ZXDC: variants seen among roughly 807,000 people sequenced by gnomAD.
The protein encoded by ZXDC is zinc finger protein ZXDC.
Under a neutral mutation model 63.6 loss-of-function variants are expected in ZXDC, and 58 were observed. The observed-to-expected ratio is 0.91, with a 90% CI of 0.74 to 1.13. The LOEUF is 1.13. Among genes scored for constraint, ZXDC ranks in the 50% most tolerant of loss-of-function variants. The pLI, the probability that ZXDC is intolerant of heterozygous loss-of-function variation, is 0.00. For synonymous variants in ZXDC, 561 were observed against 496.1 expected (o/e 1.13, Z -1.74); for missense variants, 1,133 against 1,148.9 (o/e 0.99, Z 0.20).
chr3:126,439,437 G>GC (rs1179917103), intron 9 of ZXDC, among the ~76,000 whole-genome samples, 195 bp downstream of exon 9: 2 of 152,212 alleles, frequency 1.3e-5, no homozygotes, highest in African/African-American at 2.4e-5. Flanking sequence ...AGCAGGAGCT[G>GC]CAGCGTCCTG....
At chr3:126,446,132 A>C (rs769533750) in intron 7 of ZXDC, among the ~76,000 whole-genome samples, 1 of 152,190 alleles carries the variant, frequency 6.6e-6, no homozygotes, top group Non-Finnish European at 1.5e-5. Context: ...CAAGGTAACA[A>C]CACCGAACTA....
rs1290048037 is a variant in ZXDC at position 126,475,626 on chromosome 3, T to C, written c.240A>G (p.Glu80=). 4 of 1,475,930 alleles carry C rather than the reference T, an allele frequency of 2.7e-6. No homozygotes were observed. In the Admixed American group the frequency reaches 6.2e-5, roughly 23 times the overall value. The allele number at this position is 1,475,930 out of a possible 1,614,324, so 91.4% of individuals were successfully genotyped here. A position where few individuals can be genotyped will look rare whatever the true frequency, so the allele number is the denominator to read the frequency against. The part of the protein sequence containing the change: ...SDGDSFLVLL[E]VPHGGAAAEA... ...CGGCGGCAGCGCCGCCGTGCGGCAC[T>C]TCCAGCAGCACCAAGAAAGAGTCGC... The change falls in exon 1 of 10, where the codon GAA becomes GAG. Residue 80 remains glutamate, a synonymous_variant. Coordinates refer to ENST00000389709, the MANE Select transcript of ZXDC (RefSeq NM_025112.5).
intron 7 of ZXDC, among the ~76,000 whole-genome samples, chr3:126,457,881 G>A (rs915118537): frequency 6.6e-6 from 1 of 152,042 alleles, no homozygotes; most frequent in Non-Finnish European, 1.5e-5. Context: ...ACCACTAAAC[G>A]TAACTACTAA....
chr3:126,445,740 G>C (rs548140078), intron 7 of ZXDC, among the ~76,000 whole-genome samples: 14 of 152,230 alleles, frequency 9.2e-5, no homozygotes, highest in African/African-American at 3.4e-4. Flanking sequence ...AGCTGTGAGA[G>C]AACAGGGCAG....
chr3:126,439,547 C>A, intron 9 of ZXDC, 85 bp downstream of exon 9: 3 of 1,548,982 alleles, frequency 1.9e-6, no homozygotes, highest in Middle Eastern at 1.7e-4. Flanking sequence ...CAGTGACCAG[C>A]CTGCAGCTGT....
intron 5 of ZXDC, among the ~76,000 whole-genome samples, chr3:126,464,312 G>C (rs1354687140): frequency 6.6e-6 from 1 of 152,180 alleles, no homozygotes; most frequent in Admixed American, 6.5e-5. Flanking sequence ...AGCCCTTCTT[G>C]CAGGTGTGAC....
chr3:126,452,744 C>CT (rs34131353), intron 7 of ZXDC, among the ~76,000 whole-genome samples: 61,502 of 143,200 alleles, frequency 0.43, 13,426 homozygotes, highest in East Asian at 0.54. Flanking sequence ...TGCAGTTTTT[C>CT]TTTTTTTTTT....
chr3:126,457,783 G>C, intron 7 of ZXDC: 1 of 488,728 alleles, frequency 2.0e-6, no homozygotes, highest in Non-Finnish European at 2.7e-6. Context: ...TCCAGTATCT[G>C]GTCACAATGG....
intron 3 of ZXDC, among the ~76,000 whole-genome samples, chr3:126,471,498 T>C (rs1028400687): frequency 2.0e-5 from 3 of 152,144 alleles, no homozygotes; most frequent in Admixed American, 6.5e-5. Flanking sequence ...AGCCCAGCTG[T>C]GCAAGTACAG....
Position 126,465,095 on chromosome 3 carries a change from T to G in ZXDC, c.1441+1060A>C, listed in dbSNP as rs561322250. ...CTGCGCCCCAAAGCCGGTGCTCTGCTGTGGTGCTGCTGGTCACACAGGAGA... is the reference window on the plus strand; with the variant it reads ...CTGCGCCCCAAAGCCGGTGCTCTGCGGTGGTGCTGCTGGTCACACAGGAGA... On this transcript the variant is annotated intron_variant, in intron 5 of 9. Transcript: ENST00000389709. Among the ~76,000 whole-genome samples the G allele has an allele frequency of 2.6e-4, 40 of 152,340 alleles. No homozygotes were observed. The South Asian group carries it at 8.1e-3, about 31-fold the overall frequency.
chr3:126,475,336 C>A lies in ZXDC; in HGVS notation c.530G>T (p.Cys177Phe), dbSNP rs956394787. The change falls in exon 1 of 10, where the codon TGC becomes TTC. Residue 177 changes from cysteine (C) to phenylalanine (F), a missense_variant. Physicochemically the swap from Cys to Phe is radical, Grantham distance 205. Coordinates refer to ENST00000389709, the MANE Select transcript of ZXDC (RefSeq NM_025112.5). ...GGCCAGCGCGCACTGCGGCTCGGGG[C>A]AGCGGTAGCCGGGCGTGCTGGGGCC... ...ASGPSTPGYR[C>F]PEPQCALAFA... 5.8e-5 allele frequency: 89 copies of A among 1,530,986 alleles called. 8 individuals carry two copies. The allele number at this position is 1,530,986 out of a possible 1,614,324, so 94.8% of individuals were successfully genotyped here.
At chr3:126,446,488 A>C (rs1210030328) in intron 7 of ZXDC, among the ~76,000 whole-genome samples, 1 of 152,220 alleles carries the variant, frequency 6.6e-6, no homozygotes, top group Non-Finnish European at 1.5e-5. Flanking sequence ...CACCAGTAGC[A>C]CCGCAGTGCC....
rs920176330 is a variant in ZXDC, at chr3:126,439,839, C to T, written c.2395-112G>A. ...GCAATGCGTGGCAGAACCAGCCCAC[C>T]CCCTGTATTCCAAGGGAGGCCCGAG... On this transcript the variant is annotated intron_variant, in intron 8 of 9. Transcript: ENST00000389709. 2.5e-5 allele frequency: 37 copies of T among 1,455,420 alleles called. No homozygotes were observed. The African/African-American group carries it at 4.7e-4, about 18-fold the overall frequency. The allele number at this position is 1,455,420 out of a possible 1,614,324, so 90.2% of individuals were successfully genotyped here.
chr3:126,459,547 A>G (rs1043803), intron 7 of ZXDC, 106 bp downstream of exon 7: 2 of 1,561,954 alleles, frequency 1.3e-6, no homozygotes, highest in East Asian at 2.3e-5. Flanking sequence ...TGAACAGAAA[A>G]GTAAAACCAA....
At position 126,475,213 on chromosome 3, in the gene ZXDC, G is replaced by A. The variant is rs1433845535; in HGVS notation, c.653C>T (p.Ala218Val). 7 of 1,578,926 alleles carry A rather than the reference G, an allele frequency of 4.4e-6. No individual in the cohort carries two copies. The highest frequency in any genetic ancestry group is 2.3e-5 in the East Asian group (1 of 42,746). ...FKCPLEGCGW[A>V]FTTSYKLKRH... Reference sequence around the variant, plus strand: ...CTTGAGCTTGTAGGACGTTGTGAAGGCCCAACCACAGCCCTCCAGTGGGCA... The same window carrying A: ...CTTGAGCTTGTAGGACGTTGTGAAGACCCAACCACAGCCCTCCAGTGGGCA... Residue 218 changes from alanine (A) to valine (V), a missense_variant, in exon 1 of 10, where the codon GCC becomes GTC. Ala to Val is a moderately conservative substitution (Grantham distance 64, BLOSUM62 0). Coordinates refer to ENST00000389709, the MANE Select transcript of ZXDC (RefSeq NM_025112.5).
chr3:126,460,326 A>G (rs1934475454), intron 6 of ZXDC: 8 of 513,738 alleles, frequency 1.6e-5, no homozygotes, highest in Non-Finnish European at 2.0e-5. Flanking sequence ...ACAGTTTAAC[A>G]CTTATCGCTA....
Position 126,472,142 on chromosome 3 carries a change from T to C in ZXDC, c.1060+11A>G. On this transcript the variant is annotated intron_variant, in intron 2 of 9. Coordinates refer to ENST00000389709, the MANE Select transcript of ZXDC (RefSeq NM_025112.5). ...TTGGGTCCAAATGCTGTGCGTTCCC[T>C]AGCTCATTACCTGTATGGCTCCGCA... is the stretch of plus-strand genomic sequence containing the variant. 1 of 1,609,454 alleles carries C rather than the reference T, an allele frequency of 6.2e-7. No homozygotes were observed. The highest frequency in any genetic ancestry group is 8.5e-7 in the Non-Finnish European group (1 of 1,176,082).
intron 7 of ZXDC, chr3:126,453,202 CTTA>C (rs1016053167): frequency 2.0e-6 from 2 of 985,248 alleles, no homozygotes; most frequent in Non-Finnish European, 2.4e-6. Flanking sequence ...AGTATTCTAA[CTTA>C]TTATCATACA....
chr3:126,460,715 G>A, intron 6 of ZXDC: 2 of 985,440 alleles, frequency 2.0e-6, no homozygotes, highest in Non-Finnish European at 2.4e-6. Context: ...TGCAGAGACA[G>A]AGACTGTCCT....
Sources: gnomAD v4.1 joint callset for allele counts (sites outside exome capture counted in the v4.1 genomes callset) on GRCh38, gnomAD v4.1.1 for gene constraint, MANE v1.5 for transcripts, NCBI Gene and HGNC (gene_info 2026-07-23, HGNC 2026-07-21) for gene names.